The following RBFOX2 variants were observed in gnomAD, a reference collection of about 807,000 sequenced individuals.
RBFOX2 encodes RNA binding protein fox-1 homolog 2.
A neutral mutation model predicts 49.1 loss-of-function variants in RBFOX2; 10 were observed. The ratio of observed to expected loss-of-function variants is 0.20; its 90% CI spans 0.13 to 0.35. The LOEUF (loss-of-function observed/expected upper bound fraction) is 0.35. RBFOX2 is among the 10% of genes least tolerant of loss of function. The probability of loss-of-function intolerance (pLI) is 1.00; values close to 1 mark genes in which losing one functional copy is unlikely to be tolerated. For synonymous variants in RBFOX2, 183 were observed against 187.4 expected, an observed-to-expected ratio of 0.98 and a Z score of 0.19; for missense variants, 323 against 486.9, an observed-to-expected ratio of 0.66 and a Z score of 3.17.
At chr22:35,744,346 C>T (rs1009662429) in intron 11 of RBFOX2, 97 bp from the exon 14 acceptor site, 1 of 1,155,070 alleles carries the variant, frequency 8.7e-7, no homozygotes, top group Non-Finnish European at 1.2e-6. Context: ...AAACAGCCTG[C>T]TTCGAAGCCT....
chr22:35,914,859 A>G (rs2149537394), intron 1 of RBFOX2, among the ~76,000 whole-genome samples: 1 of 152,352 alleles, frequency 6.6e-6, no homozygotes, highest in South Asian at 2.1e-4. Flanking sequence ...CCAAACTTGA[A>G]AAACTGTTAA....
intron 1 of RBFOX2, among the ~76,000 whole-genome samples, chr22:36,013,521 T>C (rs1219185491): frequency 6.6e-6 from 1 of 152,098 alleles, no homozygotes; most frequent in Middle Eastern, 3.2e-3. Flanking sequence ...ATCCCACAGC[T>C]GTGAAGTGGA....
At chr22:36,002,755 C>T (rs1459484137) in intron 1 of RBFOX2, among the ~76,000 whole-genome samples, 4 of 152,242 alleles carry the variant, frequency 2.6e-5, no homozygotes, top group African/African-American at 9.6e-5. Context: ...TCCTGAGTAG[C>T]TGGGACTACA....
intron 1 of RBFOX2, among the ~76,000 whole-genome samples, chr22:35,826,471 C>T (rs1955760405): frequency 6.6e-6 from 1 of 151,814 alleles, no homozygotes; most frequent in Admixed American, 6.6e-5. Context: ...TAAAGTTCTC[C>T]ATGTTCTTTT....
chr22:36,004,327 T>C (rs1046624190), intron 1 of RBFOX2, among the ~76,000 whole-genome samples: 1 of 152,180 alleles, frequency 6.6e-6, no homozygotes, highest in African/African-American at 2.4e-5. Context: ...TACACATCAT[T>C]GCTACCCAAA....
Position 35,805,180 on chromosome 22 carries a change from T to C in RBFOX2, c.252+4600A>G, listed in dbSNP as rs867359987. Among the ~76,000 whole-genome samples, 19 of 148,110 alleles carry C rather than the reference T, an allele frequency of 1.3e-4. No homozygotes were observed. The South Asian group carries it at 2.5e-3, about 20-fold the overall frequency. On this transcript the variant is annotated intron_variant, in intron 2 of 11. Transcript: ENST00000405409. ...TGGCGGGCACCTGTAGTCCCAGCTA[T>C]GCGGGAGGCTGAGGCAGGAGAATGG...
intron 1 of RBFOX2, among the ~76,000 whole-genome samples, chr22:35,929,943 C>T (rs940504574): frequency 2.0e-5 from 3 of 151,220 alleles, no homozygotes; most frequent in Non-Finnish European, 2.9e-5. Flanking sequence ...CAACTCTATA[C>T]GTTTACTAAA....
upstream of RBFOX2, among the ~76,000 whole-genome samples, chr22:35,941,167 GGA>G (rs540450865): frequency 2.6e-5 from 4 of 152,182 alleles, no homozygotes; most frequent in East Asian, 7.7e-4. Flanking sequence ...TTTTTATAGG[GGA>G]GACATGCAGT....
chr22:35,756,241 C>T (rs756709936), intron 9 of RBFOX2, 97 bp from the exon 11 acceptor site: 33 of 1,133,544 alleles, frequency 2.9e-5, no homozygotes, highest in African/African-American at 4.8e-5. Context: ...GCGCTCTACA[C>T]AGGCAGGTGA....
At position 36,024,783 on chromosome 22, in the gene RBFOX2, T is replaced by C. The variant is rs117426333; in HGVS notation, c.186+3457A>G. The stretch of plus-strand genomic sequence containing the variant: ...ACGTGTACTTTAAGACAAACCCACA[T>C]ACCCAAAACACTGGCTACGATAAGA... On this transcript the variant is annotated intron_variant, in intron 1 of 13. Coordinates refer to the RBFOX2 transcript ENST00000438146. Among the ~76,000 whole-genome samples the C allele has an allele frequency of 5.1e-3, 769 of 151,826 alleles. 7 individuals are homozygous for C. Among genetic ancestry groups the C allele is most frequent in the Non-Finnish European group, 8.5e-3 (580 of 67,904 alleles).
In RBFOX2 at chr22:35,759,987, G is replaced by A. The variant is rs2146297998; in HGVS notation, c.788C>T (p.Thr263Met). Residue 263 changes from threonine to methionine, a missense_variant, in exon 9 of 12, where the codon ACG becomes ATG. Around this residue, in one of 2 missense-constraint regions of RBFOX2, gnomAD observed 200 missense variants for 370.0 expected, o/e 0.54. Coordinates refer to ENST00000405409, the Ensembl canonical transcript of RBFOX2. The surrounding 1 kb of genome is among the most constrained non-coding windows in gnomAD (Gnocchi z 4.6). ...ATGGGCTCCTCTGAAAGCGGCTGCC[G>A]TGGTGGCTGCAGTAGGGTAAGGGAA... 7 of 1,613,876 alleles carry A rather than the reference G, an allele frequency of 4.3e-6. No individual in the cohort carries two copies. The highest frequency in any genetic ancestry group is 1.1e-5 in the South Asian group (1 of 91,062).
intron 2 of RBFOX2, among the ~76,000 whole-genome samples, chr22:35,786,962 C>T (rs1946533354): frequency 6.6e-6 from 1 of 152,184 alleles, no homozygotes; most frequent in Admixed American, 6.5e-5. Flanking sequence ...TCATCTCATG[C>T]AGCAAGAGTC....
At chr22:35,851,906 T>C (rs1380165417) in intron 1 of RBFOX2, among the ~76,000 whole-genome samples, 3 of 152,160 alleles carry the variant, frequency 2.0e-5, no homozygotes, top group African/African-American at 7.2e-5. Flanking sequence ...AAACCCTACT[T>C]TGTCAATTCT....
intron 1 of RBFOX2, among the ~76,000 whole-genome samples, chr22:35,855,655 T>C (rs572887815): frequency 2.7e-5 from 4 of 149,682 alleles, no homozygotes; most frequent in Admixed American, 2.0e-4. Flanking sequence ...GCGATCCACC[T>C]GCCTCAGCCT....
intron 1 of RBFOX2, among the ~76,000 whole-genome samples, chr22:36,026,007 G>A (rs950784868): frequency 1.3e-5 from 2 of 152,206 alleles, no homozygotes; most frequent in African/African-American, 4.8e-5. Context: ...GCTCACACCT[G>A]TAATCCCAAC....
intron 9 of RBFOX2, among the ~76,000 whole-genome samples, chr22:35,752,308 C>A (rs954965812): frequency 1.3e-5 from 2 of 152,230 alleles, no homozygotes; most frequent in African/African-American, 4.8e-5. Context: ...TTAAATACCA[C>A]AGGTACATGT....
chr22:35,866,810 C>T (rs1401171247), intron 1 of RBFOX2, among the ~76,000 whole-genome samples: 4 of 152,164 alleles, frequency 2.6e-5, no homozygotes, highest in African/African-American at 9.7e-5. Flanking sequence ...CAGCCAAATA[C>T]CACTTCACTC....
intron 1 of RBFOX2, among the ~76,000 whole-genome samples, chr22:35,908,844 ATTT>A (rs555305648): frequency 1.5e-5 from 2 of 137,692 alleles, no homozygotes; most frequent in Non-Finnish European, 3.2e-5. Flanking sequence ...TTTCTCATCT[ATTT>A]TTTTTTTTTT....
exon 1 of RBFOX2, chr22:36,028,472 G>T (rs1399221815): frequency 1.7e-6 from 2 of 1,148,176 alleles, no homozygotes; most frequent in Non-Finnish European, 2.1e-6. Flanking sequence ...CCCGCGACAG[G>T]CCACCTCCCC....
Sources: gnomAD v4.1 joint callset for allele counts (sites outside exome capture counted in the v4.1 genomes callset) on GRCh38, gnomAD v4.1.1 for gene constraint, gnomAD v4.1.1 regional missense constraint, Gnocchi (gnomAD v3.1) non-coding constraint, MANE v1.5 for transcripts, NCBI Gene and HGNC (gene_info 2026-07-23, HGNC 2026-07-21) for gene names.